UXS1: variants seen among roughly 807,000 people sequenced by gnomAD.
UXS1 encodes the protein UDP-glucuronate decarboxylase 1, also known as UDP-glucuronic acid decarboxylase 1.
UXS1 carries 33 observed loss-of-function variants against 62.6 expected under a neutral mutation model. The ratio of observed to expected loss-of-function variants is 0.53; its 90% CI spans 0.40 to 0.70. The LOEUF is 0.70. Ranked by LOEUF, UXS1 falls within the 30% of genes least tolerant of loss-of-function variation. UXS1 has a pLI of 0.00. For missense variants in UXS1, 434 were observed against 556.3 expected, an observed-to-expected ratio of 0.78 and a Z score of 2.21; for synonymous variants, 213 against 206.8, an observed-to-expected ratio of 1.03 and a Z score of -0.26.
chr2:106,169,652 A>G (rs975916582), intron 1 of UXS1, among the ~76,000 whole-genome samples: 5 of 152,084 alleles, frequency 3.3e-5, no homozygotes, highest in African/African-American at 1.2e-4. Context: ...AAGCGCCACT[A>G]CTCCAGCCTG....
intron 1 of UXS1, among the ~76,000 whole-genome samples, chr2:106,172,509 G>C (rs903400701): frequency 1.3e-5 from 2 of 152,166 alleles, no homozygotes; most frequent in Non-Finnish European, 2.9e-5. Flanking sequence ...CGGTAGCCAA[G>C]GTTCCTAATC....
intron 6 of UXS1, among the ~76,000 whole-genome samples, chr2:106,130,131 T>C (rs1680314809): frequency 6.6e-6 from 1 of 152,150 alleles, no homozygotes; most frequent in Non-Finnish European, 1.5e-5. Context: ...TCATGAATTT[T>C]TTTTTTTTTT....
At chr2:106,095,439 G>C (rs1160756652) in intron 14 of UXS1, among the ~76,000 whole-genome samples, 1 of 152,214 alleles carries the variant, frequency 6.6e-6, no homozygotes, top group East Asian at 1.9e-4. Flanking sequence ...TAAGGATCAG[G>C]CTGGAACTCT....
At chr2:106,166,401 C>A (rs1016273872) in intron 1 of UXS1, 4 of 212,316 alleles carry the variant, frequency 1.9e-5, no homozygotes, top group Non-Finnish European at 3.7e-5. Flanking sequence ...TCTAAGTTAT[C>A]AAGAATTTAC....
intron 1 of UXS1, among the ~76,000 whole-genome samples, chr2:106,180,323 T>C (rs913632912): frequency 3.3e-4 from 50 of 152,346 alleles, no homozygotes; most frequent in African/African-American, 1.1e-3. Context: ...GTTAAAATTA[T>C]GAATTAAAAC....
At chr2:106,179,990 TC>T in intron 1 of UXS1, among the ~76,000 whole-genome samples, 1 of 152,234 alleles carries the variant, frequency 6.6e-6, no homozygotes, top group South Asian at 2.1e-4. Context: ...GCACCTGTAA[TC>T]CCAGCTACTC....
intron 6 of UXS1, among the ~76,000 whole-genome samples, chr2:106,139,463 A>G (rs1167837981): frequency 1.3e-5 from 2 of 152,190 alleles, no homozygotes; most frequent in East Asian, 1.9e-4. Flanking sequence ...TCAAACCACA[A>G]ATGAACTCCC....
At chr2:106,155,805 C>T (rs1487139713) in intron 5 of UXS1, among the ~76,000 whole-genome samples, 1 of 152,164 alleles carries the variant, frequency 6.6e-6, no homozygotes, top group African/African-American at 2.4e-5. Flanking sequence ...CAGGAAAATT[C>T]AATGGGCAAT....
At chr2:106,125,233 AT>A (rs1157951659) in intron 8 of UXS1, among the ~76,000 whole-genome samples, 1 of 152,246 alleles carries the variant, frequency 6.6e-6, no homozygotes, top group Non-Finnish European at 1.5e-5. Context: ...AGGCCAGCCC[AT>A]GAGCTCTTGG....
chr2:106,130,493 C>A (rs539707613), intron 6 of UXS1, among the ~76,000 whole-genome samples: 1 of 152,344 alleles, frequency 6.6e-6, no homozygotes, highest in Non-Finnish European at 1.5e-5. Context: ...CAGACAAAGT[C>A]CATGTCATGC....
intron 5 of UXS1, among the ~76,000 whole-genome samples, chr2:106,151,089 G>A (rs1052849112): frequency 4.6e-5 from 7 of 152,204 alleles, no homozygotes; most frequent in African/African-American, 1.4e-4. Flanking sequence ...TTTACAAGTA[G>A]ATAACTTGTT....
At chr2:106,147,732 A>G (rs1030553224) in intron 5 of UXS1, among the ~76,000 whole-genome samples, 1 of 152,230 alleles carries the variant, frequency 6.6e-6, no homozygotes, top group African/African-American at 2.4e-5. Flanking sequence ...TCTAAAATGT[A>G]TAAAACTAAA....
intron 5 of UXS1, among the ~76,000 whole-genome samples, chr2:106,149,995 C>T (rs930041162): frequency 6.6e-6 from 1 of 152,126 alleles, no homozygotes; most frequent in Non-Finnish European, 1.5e-5. Flanking sequence ...AGGAACATAC[C>T]ACTGGAAACT....
intron 1 of UXS1, among the ~76,000 whole-genome samples, chr2:106,189,660 G>A (rs529450454): frequency 1.3e-5 from 2 of 152,296 alleles, no homozygotes; most frequent in African/African-American, 2.4e-5. Flanking sequence ...CATGTGTGGC[G>A]AGCACTGACA....
At chr2:106,179,924 G>A (rs1206529177) in intron 1 of UXS1, among the ~76,000 whole-genome samples, 1 of 152,054 alleles carries the variant, frequency 6.6e-6, no homozygotes, top group East Asian at 1.9e-4. Context: ...TGGCCAACAT[G>A]GTGAAACCCC....
chr2:106,113,312 T>C (rs897247381), intron 9 of UXS1, among the ~76,000 whole-genome samples: 5 of 152,226 alleles, frequency 3.3e-5, no homozygotes, highest in Non-Finnish European at 5.9e-5. Context: ...CTAAAAAACA[T>C]CTGTTTTAGT....
chr2:106,126,502 A>G (rs1021283828), intron 7 of UXS1, among the ~76,000 whole-genome samples: 4 of 152,064 alleles, frequency 2.6e-5, no homozygotes, highest in African/African-American at 7.2e-5. Flanking sequence ...AAGCACTGCT[A>G]GGAGGGTGAG....
Position 106,098,716 on chromosome 2 carries a change from C to A in UXS1, c.1042G>T (p.Gly348Cys). ...EFAQLIKNLV[G>C]SGSEIQFLSE... The stretch of plus-strand genomic sequence containing the variant: ...TCAGGAAATGACTTATCCTACTTAC[C>A]AACAAGGTTTTTAATTAACTGAGCA... Residue 348 changes from glycine (G) to cysteine (C), a missense_variant and splice_region_variant, in exon 13 of 15, where the codon GGT becomes TGT. Around this residue, in one of 3 missense-constraint regions of UXS1, gnomAD observed 209 missense variants for 233.3 expected, o/e 0.90. Coordinates refer to ENST00000283148, the MANE Select transcript of UXS1 (RefSeq NM_001253875.2). 1.2e-6 allele frequency: 2 copies of A among 1,609,614 alleles called. No homozygotes were observed. Among genetic ancestry groups the A allele is most frequent in the East Asian group, 2.2e-5 (1 of 44,852 alleles).
intron 1 of UXS1, among the ~76,000 whole-genome samples, chr2:106,193,360 C>T (rs1232897157): frequency 6.6e-6 from 1 of 152,102 alleles, no homozygotes; most frequent in Non-Finnish European, 1.5e-5. Context: ...ACATTCCCAA[C>T]GAATAGATCT....
Sources: allele counts gnomAD v4.1 joint callset (sites outside exome capture counted in the v4.1 genomes callset), GRCh38; gene constraint gnomAD v4.1.1; regional missense constraint gnomAD v4.1.1; transcripts MANE v1.5; gene names NCBI Gene and HGNC (gene_info 2026-07-23, HGNC 2026-07-21).